RANBP2: variants seen among roughly 807,000 people sequenced by gnomAD.
The protein encoded by RANBP2 is RAN binding protein 2, also known as E3 SUMO-protein ligase RanBP2.
In RANBP2, 57 loss-of-function variants were observed where a neutral mutation model predicts 303.6. The ratio of observed to expected loss-of-function variants is 0.19; its 90% CI spans 0.15 to 0.23. The LOEUF is 0.23. RANBP2 is among the 10% of genes least tolerant of loss of function. The probability of loss-of-function intolerance (pLI) is 1.00; values close to 1 mark genes in which losing one functional copy is unlikely to be tolerated. For missense variants in RANBP2, 3,138 were observed against 3,780.8 expected, an observed-to-expected ratio of 0.83 and a Z score of 4.46; for synonymous variants, 1,167 against 1,301.5, an observed-to-expected ratio of 0.90 and a Z score of 2.23.
the RANBP2 span, among the ~76,000 whole-genome samples, chr2:108,872,825 C>T: frequency 6.6e-6 from 1 of 152,178 alleles, no homozygotes; most frequent in Middle Eastern, 3.2e-3. Context: ...TGCCTGCAGG[C>T]CCCCCACATC....
chr2:109,391,513 C>A, the RANBP2 span, among the ~76,000 whole-genome samples: 5 of 152,232 alleles, frequency 3.3e-5, no homozygotes, highest in Non-Finnish European at 7.3e-5. Flanking sequence ...TAGTGTTGCT[C>A]AGCCTCTGTC....
At chr2:109,192,129 C>T in the RANBP2 span, among the ~76,000 whole-genome samples, 6 of 152,140 alleles carry the variant, frequency 3.9e-5, no homozygotes, top group African/African-American at 9.7e-5. Context: ...GAGTTCTTCA[C>T]GGTACCCAAT....
At chr2:109,357,893 G>C in the RANBP2 span, among the ~76,000 whole-genome samples, 1 of 152,160 alleles carries the variant, frequency 6.6e-6, no homozygotes, top group African/African-American at 2.4e-5. Context: ...TAGTGCATTT[G>C]TTACAATCAA....
At chr2:109,741,417 T>A in the RANBP2 span, among the ~76,000 whole-genome samples, 5 of 151,738 alleles carry the variant, frequency 3.3e-5, no homozygotes, top group Non-Finnish European at 2.9e-5. Context: ...GTAAAAAGCA[T>A]CTATAAAAAC....
chr2:108,950,332 C>G, the RANBP2 span, among the ~76,000 whole-genome samples: 2 of 151,600 alleles, frequency 1.3e-5, no homozygotes, highest in Admixed American at 1.3e-4. Flanking sequence ...CTCACTGCAG[C>G]ATCAAATTTT....
chr2:109,370,385 G>T, the RANBP2 span, among the ~76,000 whole-genome samples: 1 of 151,972 alleles, frequency 6.6e-6, no homozygotes, highest in African/African-American at 2.4e-5. Context: ...GACTACAGGT[G>T]CCTGCCACCA....
chr2:109,202,152 G>A, the RANBP2 span, among the ~76,000 whole-genome samples: 1 of 152,170 alleles, frequency 6.6e-6, no homozygotes, highest in Non-Finnish European at 1.5e-5. Flanking sequence ...CGCACTTACA[G>A]CTTGTAGATG....
chr2:108,786,731 G>A, downstream of RANBP2: 2 of 1,206,564 alleles, frequency 1.7e-6, no homozygotes, highest in Non-Finnish European at 2.4e-6. Flanking sequence ...CGGGGGGGCG[G>A]GGTCTGGCAC....
At position 108,729,194 on chromosome 2, in the gene RANBP2, T is replaced by C; in HGVS notation, c.135T>C (p.Ala45=). 1 of 1,569,114 alleles carries C rather than the reference T, an allele frequency of 6.4e-7. No individual in the cohort carries two copies. The highest frequency in any genetic ancestry group is 8.6e-7 in the Non-Finnish European group (1 of 1,159,070). The change falls in exon 2 of 29, where the codon GCT becomes GCC. Residue 45 remains alanine (A), a synonymous_variant. Coordinates refer to ENST00000283195, the MANE Select transcript of RANBP2 (RefSeq NM_006267.5). ...ATGAAGCTAAAGAATATGATCTTGC[T>C]AAAAAGTAAGTACAAACTGTAACAT... The part of the protein sequence containing the change: ...LYYEAKEYDL[A]KKYICTYINV...
the RANBP2 span, among the ~76,000 whole-genome samples, chr2:109,371,254 G>A: frequency 6.6e-6 from 1 of 152,252 alleles, no homozygotes; most frequent in Non-Finnish European, 1.5e-5. Flanking sequence ...GCTGGGTGTG[G>A]TGGCACACGC....
chr2:109,463,767 G>A, the RANBP2 span, among the ~76,000 whole-genome samples: 5 of 152,190 alleles, frequency 3.3e-5, no homozygotes, highest in Non-Finnish European at 5.9e-5. Flanking sequence ...AACATGCTAA[G>A]ACCATGGAGA....
the RANBP2 span, among the ~76,000 whole-genome samples, chr2:108,894,288 T>G: frequency 6.6e-6 from 1 of 152,212 alleles, no homozygotes; most frequent in Non-Finnish European, 1.5e-5. Flanking sequence ...TAATGTTTGC[T>G]TCTGCCTAGT....
the RANBP2 span, among the ~76,000 whole-genome samples, chr2:108,960,395 T>G: frequency 6.6e-6 from 1 of 152,230 alleles, no homozygotes. Flanking sequence ...TGAATGCCTC[T>G]ATGGGTTCAC....
the RANBP2 span, among the ~76,000 whole-genome samples, chr2:108,928,115 T>A: frequency 2.0e-5 from 3 of 152,158 alleles, no homozygotes; most frequent in Non-Finnish European, 4.4e-5. Flanking sequence ...CCTGGTTCCA[T>A]CTGCTCCCTG....
At chr2:108,911,873 A>G in the RANBP2 span, among the ~76,000 whole-genome samples, 3 of 152,248 alleles carry the variant, frequency 2.0e-5, no homozygotes, top group Admixed American at 6.5e-5. Context: ...GTGCATCTGC[A>G]GGAAAACCAG....
At chr2:109,179,927 G>A in the RANBP2 span, among the ~76,000 whole-genome samples, 12 of 150,764 alleles carry the variant, frequency 8.0e-5, no homozygotes, top group Admixed American at 8.0e-4. Flanking sequence ...AAAGAACTAG[G>A]GCTATTAAAC....
the RANBP2 span, among the ~76,000 whole-genome samples, chr2:109,184,959 T>C: frequency 6.6e-6 from 1 of 152,110 alleles, no homozygotes; most frequent in Non-Finnish European, 1.5e-5. Flanking sequence ...ACCTGAAAAA[T>C]ATGAAAAGAA....
the RANBP2 span, among the ~76,000 whole-genome samples, chr2:108,829,802 A>G: frequency 6.6e-6 from 1 of 152,200 alleles, no homozygotes; most frequent in African/African-American, 2.4e-5. Context: ...AGGATGTCAG[A>G]AAGTGGAATC....
chr2:109,498,939 C>T, the RANBP2 span, among the ~76,000 whole-genome samples: 2,597 of 152,250 alleles, frequency 0.017, 39 homozygotes, highest in East Asian at 0.083. Context: ...CGCTAGGGCG[C>T]GGCAGGGCAG....
Sources: allele counts gnomAD v4.1 joint callset (sites outside exome capture counted in the v4.1 genomes callset), GRCh38; gene constraint gnomAD v4.1.1; transcripts MANE v1.5; gene names NCBI Gene and HGNC (gene_info 2026-07-23, HGNC 2026-07-21).